The following C5AR1 variants were observed in gnomAD, a reference collection of about 807,000 sequenced individuals.
C5AR1 encodes C5a anaphylatoxin chemotactic receptor 1.
A neutral mutation model predicts 2.4 loss-of-function variants in C5AR1; 4 were observed. The ratio of observed to expected loss-of-function variants is 1.65; its 90% CI spans 0.81 to 3.77. The LOEUF (loss-of-function observed/expected upper bound fraction) is 3.77, where lower values mean the gene tolerates loss of function less well. Ranked by LOEUF, C5AR1 falls within the 30% of genes most tolerant of loss-of-function variation. C5AR1 has a pLI of 0.01. For synonymous variants in C5AR1, 209 were observed against 210.4 expected, an observed-to-expected ratio of 0.99 and a Z score of 0.06; for missense variants, 418 against 462.5, an observed-to-expected ratio of 0.90 and a Z score of 0.88.
intron 1 of C5AR1, among the ~76,000 whole-genome samples, chr19:47,318,025 A>G (rs1161520082): frequency 6.6e-6 from 1 of 151,562 alleles, no homozygotes; most frequent in Non-Finnish European, 1.5e-5. Flanking sequence ...AAATTCAAAT[A>G]TTTAGAGCTG....
intron 1 of C5AR1, among the ~76,000 whole-genome samples, chr19:47,319,304 ATTTTTTTT>A (rs34731685): frequency 1.2e-4 from 11 of 94,138 alleles, no homozygotes; most frequent in South Asian, 7.2e-4. Context: ...GAATCATTTC[ATTTTTTTT>A]TTTTTTTTTT....
intron 1 of C5AR1, among the ~76,000 whole-genome samples, chr19:47,318,656 C>A (rs2122139816): frequency 6.6e-6 from 1 of 152,136 alleles, no homozygotes; most frequent in Middle Eastern, 3.4e-3. Flanking sequence ...GAGCAAATTC[C>A]ATGCCGCATG....
intron 1 of C5AR1, among the ~76,000 whole-genome samples, chr19:47,317,414 A>G (rs571134796): frequency 6.6e-6 from 1 of 151,536 alleles, no homozygotes; most frequent in South Asian, 2.1e-4. Context: ...AGGCTGAGGC[A>G]AGAGGATCAC....
At chr19:47,309,146 G>A (rs1193044109), upstream of C5AR1, among the ~76,000 whole-genome samples, 2 of 152,128 alleles carry the variant, frequency 1.3e-5, no homozygotes, top group South Asian at 2.1e-4. Context: ...CAGCCTCTTT[G>A]GGTCTCAAAT....
chr19:47,314,370 A>G (rs2059279603), intron 1 of C5AR1, among the ~76,000 whole-genome samples: 1 of 151,940 alleles, frequency 6.6e-6, no homozygotes, highest in African/African-American at 2.4e-5. Context: ...ACCTACGTTT[A>G]TTTTTCACTA....
At chr19:47,313,224 C>T (rs987478995) in intron 1 of C5AR1, among the ~76,000 whole-genome samples, 3 of 152,184 alleles carry the variant, frequency 2.0e-5, no homozygotes, top group African/African-American at 7.2e-5. Context: ...GATCCACCCG[C>T]CTCAGCCTCC....
intron 1 of C5AR1, among the ~76,000 whole-genome samples, chr19:47,314,169 G>A (rs1255717352): frequency 1.3e-5 from 2 of 152,086 alleles, no homozygotes; most frequent in African/African-American, 4.8e-5. Context: ...TTCCTCTAAT[G>A]AGCATGTGAA....
chr19:47,309,936 C>T (rs1383685542), intron 1 of C5AR1, 38 bp downstream of exon 1: 5 of 1,605,642 alleles, frequency 3.1e-6, no homozygotes, highest in African/African-American at 1.3e-5. Context: ...GAAACTTTGT[C>T]CTGGGTCCCT....
intron 1 of C5AR1, among the ~76,000 whole-genome samples, chr19:47,319,015 A>G (rs2122140475): frequency 6.7e-6 from 1 of 149,096 alleles, no homozygotes; most frequent in South Asian, 2.1e-4. Flanking sequence ...CCTCCCAAGT[A>G]GCTGGGATTA....
chr19:47,319,689 CA>C (rs1568661716), intron 1 of C5AR1, 91 bp from the exon 2 acceptor site: 2 of 791,010 alleles, frequency 2.5e-6, no homozygotes, highest in African/African-American at 1.7e-5. Context: ...AAAAGCCACA[CA>C]GGGGAAAAGC....
At chr19:47,310,897 G>A (rs2059267618) in intron 1 of C5AR1, among the ~76,000 whole-genome samples, 1 of 152,200 alleles carries the variant, frequency 6.6e-6, no homozygotes, top group Non-Finnish European at 1.5e-5. Flanking sequence ...AGCAGGTTAT[G>A]CCATGGATTC....
intron 1 of C5AR1, among the ~76,000 whole-genome samples, chr19:47,314,313 C>T (rs2059279435): frequency 1.3e-5 from 2 of 152,206 alleles, no homozygotes; most frequent in Admixed American, 1.3e-4. Flanking sequence ...CAGAGTGGCC[C>T]TGGACCTGCA....
intron 1 of C5AR1, among the ~76,000 whole-genome samples, chr19:47,317,304 C>T (rs1170701379): frequency 3.3e-5 from 5 of 150,394 alleles, no homozygotes; most frequent in Admixed American, 6.7e-5. Context: ...CCCAGGAGTT[C>T]GAGACCAGCC....
chr19:47,313,353 C>T (rs1169555438), intron 1 of C5AR1, among the ~76,000 whole-genome samples: 1 of 152,122 alleles, frequency 6.6e-6, no homozygotes, highest in African/African-American at 2.4e-5. Flanking sequence ...GCTGACCTTT[C>T]GTTTCTGCTG....
At chr19:47,318,388 G>A (rs1050875763) in intron 1 of C5AR1, among the ~76,000 whole-genome samples, 1 of 151,660 alleles carries the variant, frequency 6.6e-6, no homozygotes, top group African/African-American at 2.4e-5. Flanking sequence ...CCACCTCCCA[G>A]GTTCAAGTGA....
intron 1 of C5AR1, among the ~76,000 whole-genome samples, chr19:47,312,102 T>C (rs1292433402): frequency 2.6e-5 from 4 of 152,190 alleles, no homozygotes; most frequent in Non-Finnish European, 5.9e-5. Flanking sequence ...TTTTTGTTTT[T>C]TGAGACAGTG....
upstream of C5AR1, among the ~76,000 whole-genome samples, chr19:47,308,127 C>T (rs1321415784): frequency 1.4e-5 from 2 of 147,988 alleles, no homozygotes; most frequent in African/African-American, 2.5e-5. Flanking sequence ...GCAGGAGAAT[C>T]GCTTGAACCT....
upstream of C5AR1, among the ~76,000 whole-genome samples, chr19:47,308,246 C>A (rs1200226419): frequency 6.6e-6 from 1 of 150,612 alleles, no homozygotes; most frequent in Non-Finnish European, 1.5e-5. Context: ...GAGCATGAAC[C>A]CTGTTGTGAA....
intron 1 of C5AR1, among the ~76,000 whole-genome samples, chr19:47,313,648 G>A (rs1170313540): frequency 6.6e-6 from 1 of 151,986 alleles, no homozygotes; most frequent in Admixed American, 6.6e-5. Flanking sequence ...GGAGGCTGAG[G>A]CTAGCAAATG....
Sources: gnomAD v4.1 joint callset for allele counts (sites outside exome capture counted in the v4.1 genomes callset) on GRCh38, gnomAD v4.1.1 for gene constraint, MANE v1.5 for transcripts, NCBI Gene and HGNC (gene_info 2026-07-23, HGNC 2026-07-21) for gene names.